Variants in FOXP1 observed in about 807,000 individuals in gnomAD.
The protein encoded by FOXP1 is forkhead box protein P1.
A neutral mutation model predicts 98.2 loss-of-function variants in FOXP1; 15 were observed. That is an observed-to-expected ratio of 0.15 (90% CI 0.10 to 0.24). The LOEUF is 0.24. FOXP1 is among the 10% of genes least tolerant of loss of function. The pLI, the probability that FOXP1 is intolerant of heterozygous loss-of-function variation, is 1.00. For missense variants in FOXP1, 633 were observed against 848.5 expected (o/e 0.75, Z 3.15); for synonymous variants, 371 against 314.5 (o/e 1.18, Z -1.90).
At chr3:71,346,049 C>G (rs2077339945) in intron 4 of FOXP1, among the ~76,000 whole-genome samples, 1 of 151,966 alleles carries the variant, frequency 6.6e-6, no homozygotes, top group South Asian at 2.1e-4. Context: ...GACTTTATTT[C>G]TATGATCAAA....
chr3:71,342,212 CA>C (rs763157129), intron 4 of FOXP1, among the ~76,000 whole-genome samples: 21 of 152,144 alleles, frequency 1.4e-4, no homozygotes, highest in Non-Finnish European at 2.4e-4. Flanking sequence ...TTTCATAAAT[CA>C]AGGATGAATC....
chr3:71,107,567 T>C (rs1286306153), intron 7 of FOXP1, among the ~76,000 whole-genome samples: 5 of 152,230 alleles, frequency 3.3e-5, no homozygotes, highest in African/African-American at 9.6e-5. Flanking sequence ...CAATTTAAAA[T>C]GCTAGGGGTG....
intron 11 of FOXP1, among the ~76,000 whole-genome samples, chr3:71,032,140 C>G (rs1271283118): frequency 6.6e-6 from 1 of 152,238 alleles, no homozygotes; most frequent in East Asian, 1.9e-4. Flanking sequence ...ACCCGCCCGG[C>G]GCAGCCCCGA....
At chr3:71,318,513 A>G (rs2075210752) in intron 4 of FOXP1, among the ~76,000 whole-genome samples, 1 of 152,240 alleles carries the variant, frequency 6.6e-6, no homozygotes, top group Admixed American at 6.5e-5. Context: ...CATAATACAC[A>G]CTTAACACTT....
chr3:70,979,651 T>A (rs938562263), intron 14 of FOXP1, among the ~76,000 whole-genome samples: 3 of 152,072 alleles, frequency 2.0e-5, no homozygotes, highest in African/African-American at 7.2e-5. Context: ...CTATAGTCAG[T>A]CTTAAGTACA....
chr3:71,183,545 C>T (rs2062461355), intron 6 of FOXP1, among the ~76,000 whole-genome samples: 1 of 152,100 alleles, frequency 6.6e-6, no homozygotes, highest in Non-Finnish European at 1.5e-5. Context: ...TGTTTGCAGA[C>T]AATTTACCAT....
At chr3:71,582,518 G>A in intron 1 of FOXP1, 18 of 985,458 alleles carry the variant, frequency 1.8e-5, no homozygotes, top group Non-Finnish European at 2.2e-5. Context: ...AGAGCCATCG[G>A]CCGCCAGGAC....
At chr3:71,418,789 T>G (rs1440750408) in intron 3 of FOXP1, among the ~76,000 whole-genome samples, 1 of 152,128 alleles carries the variant, frequency 6.6e-6, no homozygotes, top group African/African-American at 2.4e-5. Flanking sequence ...TCGCAAGAAT[T>G]AAGAAATCAC....
intron 7 of FOXP1, among the ~76,000 whole-genome samples, chr3:71,104,542 A>G (rs775008929): frequency 1.3e-5 from 2 of 152,192 alleles, no homozygotes; most frequent in Non-Finnish European, 2.9e-5. Context: ...TAAAAATCCA[A>G]TTCTTTCACA....
chr3:71,139,826 C>T (rs2059984565), intron 6 of FOXP1, among the ~76,000 whole-genome samples: 1 of 152,142 alleles, frequency 6.6e-6, no homozygotes, highest in Admixed American at 6.5e-5. Flanking sequence ...AAAAGGTGAA[C>T]AGGTAGAAGT....
At chr3:71,540,638 A>G (rs2044728335) in intron 2 of FOXP1, among the ~76,000 whole-genome samples, 1 of 152,228 alleles carries the variant, frequency 6.6e-6, no homozygotes, top group Non-Finnish European at 1.5e-5. Context: ...TATCATCACG[A>G]TTCTAGAGCA....
chr3:71,313,896 T>C (rs1299792475), intron 4 of FOXP1, among the ~76,000 whole-genome samples: 1 of 152,180 alleles, frequency 6.6e-6, no homozygotes, highest in Non-Finnish European at 1.5e-5. Flanking sequence ...TATAGTACTA[T>C]ACAGTATACT....
chr3:71,197,776 T>G, intron 6 of FOXP1: 1 of 1,104,690 alleles, frequency 9.1e-7, no homozygotes, highest in Non-Finnish European at 1.3e-6. Flanking sequence ...TCCTTACTCA[T>G]CTACTCTTTT....
intron 3 of FOXP1, among the ~76,000 whole-genome samples, chr3:71,369,526 C>T (rs1056292888): frequency 6.6e-6 from 1 of 152,190 alleles, no homozygotes; most frequent in Non-Finnish European, 1.5e-5. Flanking sequence ...TCCTAAGTAG[C>T]TGGGATTATA....
At position 71,272,880 on chromosome 3, in the gene FOXP1, C is replaced by T. The variant is rs192341575; in HGVS notation, c.-12+26940G>A. Among the ~76,000 whole-genome samples, 117 of 152,256 alleles carry T rather than the reference C, an allele frequency of 7.7e-4. 1 individual carries two copies. Among genetic ancestry groups the T allele is most frequent in the African/African-American group, 2.7e-3 (113 of 41,576 alleles). ...CTGCTAGGGGAAAGCTCAGGTCTAG[C>T]TTATTTCTGGACCTGGAGGCAACCA... On this transcript the variant is annotated intron_variant, in intron 5 of 20. Transcript: ENST00000649528.
chr3:71,390,689 G>A (rs1331363495), intron 3 of FOXP1, among the ~76,000 whole-genome samples: 1 of 152,192 alleles, frequency 6.6e-6, no homozygotes. Flanking sequence ...CCAGTTTCAA[G>A]TAAACAAAGG....
rs922512144 is a variant in FOXP1, at chr3:71,260,856, T to C, written c.-12+38964A>G. Among the ~76,000 whole-genome samples the C allele has an allele frequency of 9.9e-5, 15 of 152,260 alleles. No individual in the cohort carries two copies. The South Asian group carries it at 3.1e-3, about 32-fold the overall frequency. On this transcript the variant is annotated intron_variant, in intron 5 of 20. Coordinates refer to ENST00000649528, the MANE Select transcript of FOXP1 (RefSeq NM_001349338.3). ...CACGCCCGGCCTACAGTTCTAGTTATTAAAGAACAGAGGTCTCCGAGACCA... is the reference window on the plus strand; with the variant it reads ...CACGCCCGGCCTACAGTTCTAGTTACTAAAGAACAGAGGTCTCCGAGACCA...
intron 2 of FOXP1, among the ~76,000 whole-genome samples, chr3:71,529,866 T>G (rs2043692440): frequency 6.6e-6 from 1 of 152,180 alleles, no homozygotes; most frequent in Non-Finnish European, 1.5e-5. Context: ...AATAAACCAG[T>G]AAACCTAAGT....
intron 11 of FOXP1, among the ~76,000 whole-genome samples, chr3:71,037,504 C>G (rs748065620): frequency 6.6e-6 from 1 of 152,064 alleles, no homozygotes; most frequent in East Asian, 1.9e-4. Context: ...CCTAAGAAGT[C>G]GAGACTCTCT....
Sources: allele counts gnomAD v4.1 joint callset (sites outside exome capture counted in the v4.1 genomes callset), GRCh38; gene constraint gnomAD v4.1.1; transcripts MANE v1.5; gene names NCBI Gene and HGNC (gene_info 2026-07-23, HGNC 2026-07-21).